Variants in USP50 observed in about 807,000 individuals in gnomAD.
The protein encoded by USP50 is ubiquitin specific peptidase 50.
In USP50, 37 loss-of-function variants were observed where a neutral mutation model predicts 39.2. That is an observed-to-expected ratio of 0.94 (90% CI 0.73 to 1.24). The LOEUF is 1.24. Among genes scored for constraint, USP50 ranks in the 50% most tolerant of loss-of-function variants. The pLI is 0.00. For missense variants in USP50, 374 were observed against 398.2 expected, an observed-to-expected ratio of 0.94 and a Z score of 0.52; for synonymous variants, 139 against 144.5, an observed-to-expected ratio of 0.96 and a Z score of 0.27.
At chr15:50,529,389 T>C (rs2052922939) in intron 6 of USP50, among the ~76,000 whole-genome samples, 1 of 150,948 alleles carries the variant, frequency 6.6e-6, no homozygotes, top group Non-Finnish European at 1.5e-5. Context: ...ATGCCTGTAG[T>C]CTCAGCTACT....
chr15:50,513,538 A>G (rs1045636221), intron 6 of USP50: 1 of 146,644 alleles, frequency 6.8e-6, no homozygotes, highest in East Asian at 2.1e-4. Flanking sequence ...AAAAAAAAAA[A>G]GAGTGAAGAA....
At chr15:50,496,936 C>A, downstream of USP50, 1 of 919,008 alleles carries the variant, frequency 1.1e-6, no homozygotes, top group Non-Finnish European at 1.6e-6. Flanking sequence ...CTATGCTTCT[C>A]ACTAGATCAC....
intron 1 of USP50, among the ~76,000 whole-genome samples, chr15:50,546,046 T>G (rs2053068498): frequency 1.3e-5 from 2 of 151,808 alleles, no homozygotes; most frequent in East Asian, 3.9e-4. Flanking sequence ...AAACGGGACC[T>G]CCTCTCCCTG....
chr15:50,521,097 A>G (rs1397070344), intron 6 of USP50, among the ~76,000 whole-genome samples: 1 of 152,180 alleles, frequency 6.6e-6, no homozygotes, highest in Non-Finnish European at 1.5e-5. Flanking sequence ...GCTGGAGTAC[A>G]AAGGCGCCAT....
At chr15:50,499,973 G>T (rs902129807), downstream of USP50, 2 of 152,126 alleles carry the variant, frequency 1.3e-5, no homozygotes, top group Non-Finnish European at 2.9e-5. Flanking sequence ...ATTGCAAAGT[G>T]AACTGCATTA....
intron 6 of USP50, among the ~76,000 whole-genome samples, chr15:50,518,389 T>A (rs1354005212): frequency 6.6e-6 from 1 of 151,424 alleles, no homozygotes; most frequent in Non-Finnish European, 1.5e-5. Context: ...CCCGGCTAAT[T>A]TTTTTTTATA....
Position 50,546,397 on chromosome 15 carries a change from G to C in USP50, c.53+76C>G, listed in dbSNP as rs182219708. On this transcript the variant is annotated intron_variant, in intron 1 of 6. Coordinates refer to ENST00000532404, the MANE Select transcript of USP50 (RefSeq NM_203494.5). ...GGGAGAACCCTCCTGAATGCAGTGT[G>C]TGTCCCCTGACTCCTCTGAGCTTGA... 184 of 1,497,778 alleles carry C rather than the reference G, an allele frequency of 1.2e-4. No homozygotes were observed. In the East Asian group the frequency reaches 4.0e-3, roughly 32 times the overall value. The allele number at this position is 1,497,778 out of a possible 1,614,324, so 92.8% of individuals were successfully genotyped here.
rs775118562 is a variant in USP50, at chr15:50,546,463, C to G, written c.53+10G>C. 1 of 1,613,414 alleles carries G rather than the reference C, an allele frequency of 6.2e-7. No homozygotes were observed. The highest frequency in any genetic ancestry group is 1.7e-5 in the Admixed American group (1 of 60,002). The stretch of plus-strand genomic sequence containing the variant: ...GCTAATCTAGAAAGCTGTAGTAGAT[C>G]AAGGCTCACAGGACGTGGTAGATAT... On this transcript the variant is annotated intron_variant, in intron 1 of 6. Coordinates refer to ENST00000532404, the MANE Select transcript of USP50 (RefSeq NM_203494.5).
intron 6 of USP50, chr15:50,509,438 G>GA (rs2052710240): frequency 6.6e-6 from 1 of 152,126 alleles, no homozygotes; most frequent in South Asian, 2.1e-4. Context: ...ACCAGGTCAG[G>GA]AAATTGAGAC....
chr15:50,543,826 A>G, intron 2 of USP50, 33 bp from the exon 3 acceptor site: 1 of 1,582,408 alleles, frequency 6.3e-7, no homozygotes, highest in Non-Finnish European at 8.6e-7. Flanking sequence ...TTTCTGGCTG[A>G]TTTAATGAAA....
chr15:50,493,214 A>G (rs1225543214), downstream of USP50: 23 of 510,876 alleles, frequency 4.5e-5, no homozygotes, highest in Non-Finnish European at 8.7e-5. Context: ...GGGAGCCCTC[A>G]TGGCCTTATC....
intron 6 of USP50, chr15:50,505,068 G>C (rs1415934198): frequency 6.6e-6 from 1 of 152,126 alleles, no homozygotes; most frequent in Non-Finnish European, 1.5e-5. Context: ...GTGTTAAGAG[G>C]CATGAAAAAT....
At position 50,519,628 on chromosome 15, in the gene USP50, T is replaced by C. The variant is rs529811409; in HGVS notation, c.936+10169A>G. 4.6e-5 allele frequency among the ~76,000 whole-genome samples: 7 copies of C among 151,710 alleles called. No individual in the cohort carries two copies. In the South Asian group the frequency reaches 1.3e-3, roughly 27 times the overall value. Reference sequence around the variant, plus strand: ...TACTCAGGAGGCTGAGGCAGGAGAATGGCATGAACCCGGGAGGCGGAGCTT... The same window carrying C: ...TACTCAGGAGGCTGAGGCAGGAGAACGGCATGAACCCGGGAGGCGGAGCTT... On this transcript the variant is annotated intron_variant, in intron 6 of 6. Transcript: ENST00000532404.
intron 5 of USP50, among the ~76,000 whole-genome samples, chr15:50,534,231 G>A (rs542621845): frequency 4.6e-5 from 7 of 152,072 alleles, no homozygotes; most frequent in African/African-American, 1.7e-4. Context: ...TTATATATAA[G>A]TGAAATGAAT....
intron 2 of USP50, 34 bp downstream of exon 2, chr15:50,544,553 G>A (rs368483656): frequency 1.8e-4 from 292 of 1,583,284 alleles, no homozygotes; most frequent in Non-Finnish European, 2.0e-4. Context: ...AGTGGGGGTG[G>A]GGGCTGGGCT....
At chr15:50,527,581 C>A (rs2052908549) in intron 6 of USP50, among the ~76,000 whole-genome samples, 1 of 151,840 alleles carries the variant, frequency 6.6e-6, no homozygotes, top group Non-Finnish European at 1.5e-5. Context: ...TAGCAAAGCT[C>A]TAGATGGTTT....
At chr15:50,540,670 C>G (rs966635435) in intron 4 of USP50, among the ~76,000 whole-genome samples, 1 of 152,086 alleles carries the variant, frequency 6.6e-6, no homozygotes, top group Non-Finnish European at 1.5e-5. Context: ...GTCACCCAGG[C>G]TGGGGTGCAG....
chr15:50,496,371 C>G (rs1427674867), downstream of USP50, among the ~76,000 whole-genome samples: 2 of 151,472 alleles, frequency 1.3e-5, no homozygotes, highest in East Asian at 3.9e-4. Flanking sequence ...GTCCCCGCTA[C>G]TCAGGAGGCT....
intron 6 of USP50, chr15:50,513,817 T>C (rs1408513898): frequency 6.6e-6 from 1 of 152,148 alleles, no homozygotes; most frequent in Non-Finnish European, 1.5e-5. Flanking sequence ...TCATTGCTGG[T>C]GGGGGTATGA....
Sources: gnomAD v4.1 joint callset for allele counts (sites outside exome capture counted in the v4.1 genomes callset) on GRCh38, gnomAD v4.1.1 for gene constraint, MANE v1.5 for transcripts, NCBI Gene and HGNC (gene_info 2026-07-23, HGNC 2026-07-21) for gene names.